The following PAPPA variants were observed in gnomAD, a reference collection of about 807,000 sequenced individuals.
PAPPA encodes pappalysin-1.
In PAPPA, 60 loss-of-function variants were observed where a neutral mutation model predicts 164.0. The ratio of observed to expected loss-of-function variants is 0.37; its 90% confidence interval spans 0.30 to 0.45. PAPPA has a LOEUF of 0.45. Ranked by LOEUF, PAPPA falls within the 20% of genes least tolerant of loss-of-function variation. PAPPA has a pLI of 1.00. For missense variants in PAPPA, 1,782 were observed against 2,087.3 expected (o/e 0.85, Z 2.85); for synonymous variants, 875 against 814.1 (o/e 1.07, Z -1.27).
chr9:116,383,460 C>T (rs1004359449), intron 21 of PAPPA, among the ~76,000 whole-genome samples: 9 of 152,128 alleles, frequency 5.9e-5, no homozygotes, highest in African/African-American at 1.7e-4. Context: ...TTGGCCCAAA[C>T]GCTTCATTTT....
At chr9:116,173,517 G>A (rs1325994111) in intron 1 of PAPPA, among the ~76,000 whole-genome samples, 4 of 152,134 alleles carry the variant, frequency 2.6e-5, no homozygotes, top group African/African-American at 9.7e-5. Context: ...TCTTTTCTAT[G>A]GAAGAAACTT....
At chr9:116,288,211 A>G (rs932871257) in intron 9 of PAPPA, among the ~76,000 whole-genome samples, 2 of 152,092 alleles carry the variant, frequency 1.3e-5, no homozygotes, top group African/African-American at 4.8e-5. Flanking sequence ...TCTACTAAAA[A>G]TACAAAAATT....
Position 116,154,100 on chromosome 9 carries a change from G to A in PAPPA, c.-73G>A. On this transcript the variant is annotated 5_prime_UTR_variant, in exon 1 of 22. Transcript: ENST00000328252. This position sits in a 1 kb window ranked among gnomAD's most constrained non-coding sequence, Gnocchi z 5.2. ...GTGAAGAAGCGAAGAAAGTCGAGGC[G>A]CCGAGGCTCCCAAAGCTGGCAGCTC... is the stretch of plus-strand genomic sequence containing the variant. The A allele has an allele frequency of 3.5e-6, 4 of 1,144,246 alleles. No individual in the cohort carries two copies. Among genetic ancestry groups the A allele is most frequent in the Non-Finnish European group, 4.3e-6 (4 of 920,266 alleles). 70.9% of individuals were successfully genotyped at this position (1,144,246 alleles called of 1,614,324 possible). A position where few individuals can be genotyped will look rare whatever the true frequency, so the allele number is the denominator to read the frequency against.
intron 9 of PAPPA, among the ~76,000 whole-genome samples, chr9:116,279,964 T>C (rs997872792): frequency 1.3e-5 from 2 of 152,130 alleles, no homozygotes. Flanking sequence ...TAGACCTAAT[T>C]GTAGCCTCCT....
chr9:116,279,063 C>G (rs960362237), intron 9 of PAPPA, among the ~76,000 whole-genome samples: 14 of 152,166 alleles, frequency 9.2e-5, no homozygotes, highest in Non-Finnish European at 1.9e-4. Context: ...GCAAAATGAT[C>G]AAACCTCCTA....
At chr9:116,250,427 T>G (rs1228426596) in intron 7 of PAPPA, among the ~76,000 whole-genome samples, 2 of 152,240 alleles carry the variant, frequency 1.3e-5, no homozygotes, top group Non-Finnish European at 2.9e-5. Context: ...CCAGGACAGC[T>G]GGACTCAGCC....
chr9:116,371,984 T>C (rs1017517805), intron 19 of PAPPA, among the ~76,000 whole-genome samples: 2 of 152,228 alleles, frequency 1.3e-5, no homozygotes, highest in South Asian at 4.1e-4. Context: ...TAATTAGAAA[T>C]CATGAGGCAT....
chr9:116,167,583 A>T (rs773481702), intron 1 of PAPPA, among the ~76,000 whole-genome samples: 36 of 152,296 alleles, frequency 2.4e-4, no homozygotes, highest in Non-Finnish European at 4.6e-4. Context: ...CCTCCTTGTC[A>T]TCCTCTGATG....
At chr9:116,341,924 T>C (rs1425733326) in intron 13 of PAPPA, among the ~76,000 whole-genome samples, 1 of 152,236 alleles carries the variant, frequency 6.6e-6, no homozygotes, top group East Asian at 1.9e-4. Context: ...GAGCCCAGAT[T>C]TCCCTGATTG....
chr9:116,156,348 G>GTATATATATGTGTATATATATATATGTA (rs1843604931), intron 1 of PAPPA, among the ~76,000 whole-genome samples: 1 of 117,110 alleles, frequency 8.5e-6, no homozygotes, highest in African/African-American at 3.0e-5. Flanking sequence ...ATATATATAT[G>GTATATATATGTGTATATATATATATGTA]TATATATATA....
chr9:116,227,826 A>C (rs918052646), intron 6 of PAPPA, among the ~76,000 whole-genome samples: 4 of 152,206 alleles, frequency 2.6e-5, no homozygotes, highest in African/African-American at 9.7e-5. Flanking sequence ...ACCTGATACA[A>C]ACACAGTGTC....
In PAPPA at chr9:116,398,843, A is replaced by G. The variant is rs545994415; in HGVS notation, c.*2227A>G. 9 of 375,050 alleles carry G rather than the reference A, an allele frequency of 2.4e-5. No homozygotes were observed. Among genetic ancestry groups the G allele is most frequent in the South Asian group, 1.4e-4 (7 of 49,624 alleles). The allele number at this position is 375,050 out of a possible 1,614,324, so 23.2% of individuals were successfully genotyped here. ...CAAGGACAAATTATTAGCAAGAAAT[A>G]AGAATAGTATTAGAAGAATTGATCC... On this transcript the variant is annotated 3_prime_UTR_variant, in exon 22 of 22. Coordinates refer to ENST00000328252, the MANE Select transcript of PAPPA (RefSeq NM_002581.5).
At chr9:116,236,234 T>C (rs1382686973) in intron 7 of PAPPA, among the ~76,000 whole-genome samples, 1 of 152,040 alleles carries the variant, frequency 6.6e-6, no homozygotes, top group Non-Finnish European at 1.5e-5. Context: ...CAGCTTTAGG[T>C]TTCCGTAACT....
intron 4 of PAPPA, among the ~76,000 whole-genome samples, chr9:116,218,872 G>A (rs928745947): frequency 2.0e-5 from 3 of 152,116 alleles, no homozygotes; most frequent in Non-Finnish European, 4.4e-5. Context: ...TCTTCTGTAC[G>A]ATAAGGAAAA....
At chr9:116,297,485 C>A (rs1289001833) in intron 9 of PAPPA, among the ~76,000 whole-genome samples, 2 of 152,198 alleles carry the variant, frequency 1.3e-5, no homozygotes, top group Non-Finnish European at 2.9e-5. Flanking sequence ...ACCTCTTTAA[C>A]CTCTTTAGGT....
rs1847069884 is a variant in PAPPA, at chr9:116,402,288, T to C, written c.*5672T>C. On this transcript the variant is annotated 3_prime_UTR_variant, in exon 22 of 22. Transcript: ENST00000328252. ...TTGATTACTATACTTTAAAGTTCTA[T>C]ATTATGAAAATATATAATAGCTTGT... 1 of 152,610 alleles carries C rather than the reference T, an allele frequency of 6.6e-6. No individual in the cohort carries two copies. Among genetic ancestry groups the C allele is most frequent in the African/African-American group, 2.4e-5 (1 of 41,460 alleles). 9.5% of individuals were successfully genotyped at this position (152,610 alleles called of 1,614,324 possible).
chr9:116,337,278 T>C (rs1265041292), intron 13 of PAPPA, among the ~76,000 whole-genome samples: 2 of 152,194 alleles, frequency 1.3e-5, no homozygotes, highest in Non-Finnish European at 2.9e-5. Context: ...TCTTGAGGGC[T>C]GAGGCTGCAG....
intron 7 of PAPPA, among the ~76,000 whole-genome samples, chr9:116,252,333 A>G (rs530878826): frequency 3.0e-4 from 46 of 152,326 alleles, no homozygotes; most frequent in Non-Finnish European, 4.7e-4. Context: ...CTGTCATCTC[A>G]TTTTTCATTT....
intron 7 of PAPPA, among the ~76,000 whole-genome samples, chr9:116,246,477 C>T (rs1005648086): frequency 1.2e-4 from 19 of 152,188 alleles, no homozygotes; most frequent in Middle Eastern, 3.4e-3. Context: ...ATTATTAGTT[C>T]CACTTTACAG....
Sources: allele counts gnomAD v4.1 joint callset (sites outside exome capture counted in the v4.1 genomes callset), GRCh38; gene constraint gnomAD v4.1.1; non-coding constraint Gnocchi (gnomAD v3.1); transcripts MANE v1.5; gene names NCBI Gene and HGNC (gene_info 2026-07-23, HGNC 2026-07-21).